PLAGL1: variants seen among roughly 807,000 people sequenced by gnomAD.
PLAGL1 encodes PLAG1 like zinc finger 1, also known as zinc finger protein PLAGL1.
A neutral mutation model predicts 4.6 loss-of-function variants in PLAGL1; 1 was observed. The observed-to-expected ratio is 0.22, with a 90% CI of 0.08 to 1.03. PLAGL1 has a LOEUF of 1.03. PLAGL1 is among the 50% of genes least tolerant of loss of function. PLAGL1 has a pLI of 0.58. For missense variants in PLAGL1, 464 were observed against 570.4 expected, an observed-to-expected ratio of 0.81 and a Z score of 1.90; for synonymous variants, 240 against 237.8, an observed-to-expected ratio of 1.01 and a Z score of -0.08.
chr6:144,017,325 C>A (rs1026629866), intron 1 of PLAGL1, among the ~76,000 whole-genome samples: 1 of 152,200 alleles, frequency 6.6e-6, no homozygotes, highest in East Asian at 1.9e-4. Context: ...AGGATTCCTG[C>A]CCCCTTCCCT....
In PLAGL1 at chr6:144,050,331, A is replaced by G. The variant is rs1358415495; in HGVS notation, c.-151+14137T>C. On this transcript the variant is annotated intron_variant, in intron 1 of 3. Transcript: ENST00000437412. The surrounding 1 kb of genome is among the most constrained non-coding windows in gnomAD (Gnocchi z 4.3). ...CGACTGCTGAACTCAACTAAGTGAA[A>G]TATGTCCATAACACAATGCTGCCAG... Among the ~76,000 whole-genome samples the G allele has an allele frequency of 6.6e-6, 1 of 152,142 alleles. No individual in the cohort carries two copies. The highest frequency in any genetic ancestry group is 2.4e-5 in the African/African-American group (1 of 41,410).
At position 143,950,215 on chromosome 6, in the gene PLAGL1, G is replaced by C. The variant is rs1215774709; in HGVS notation, c.-324-1755C>G. Among the ~76,000 whole-genome samples, 3 of 152,286 alleles carry C rather than the reference G, an allele frequency of 2.0e-5. No individual in the cohort carries two copies. In the East Asian group the frequency reaches 5.8e-4, roughly 29 times the overall value. On this transcript the variant is annotated intron_variant, in intron 6 of 7. Transcript: ENST00000674357. The surrounding 1 kb of genome is among the most constrained non-coding windows in gnomAD (Gnocchi z 6.3). ...AGCACCTTGGCACCACACCTTCTTTGTGACGGCTGTGATTCTAGCAGCACA... is the reference window on the plus strand; with the variant it reads ...AGCACCTTGGCACCACACCTTCTTTCTGACGGCTGTGATTCTAGCAGCACA...
intron 1 of PLAGL1, among the ~76,000 whole-genome samples, chr6:144,054,586 T>C (rs1248750580): frequency 6.6e-6 from 1 of 152,066 alleles, no homozygotes; most frequent in Non-Finnish European, 1.5e-5. Context: ...CAACACACAC[T>C]GTGGCCTGTC....
chr6:144,044,736 C>A (rs184296419), intron 1 of PLAGL1, among the ~76,000 whole-genome samples: 1 of 152,202 alleles, frequency 6.6e-6, no homozygotes, highest in East Asian at 1.9e-4. Context: ...CCTTGTTAAC[C>A]TTCTGTCTCA....
At chr6:144,057,643 A>G (rs1450087737) in intron 1 of PLAGL1, among the ~76,000 whole-genome samples, 2 of 152,324 alleles carry the variant, frequency 1.3e-5, no homozygotes, top group African/African-American at 4.8e-5. Context: ...TGCCACACCC[A>G]TTAGCTTCAT....
At chr6:144,017,399 T>G (rs1795639977) in intron 1 of PLAGL1, among the ~76,000 whole-genome samples, 1 of 152,180 alleles carries the variant, frequency 6.6e-6, no homozygotes, top group Admixed American at 6.5e-5. Context: ...AGGGCTCCCA[T>G]GATAACATCT....
At chr6:144,051,558 G>C (rs912383558) in intron 1 of PLAGL1, among the ~76,000 whole-genome samples, 1 of 152,174 alleles carries the variant, frequency 6.6e-6, no homozygotes, top group Non-Finnish European at 1.5e-5. Flanking sequence ...AACATTTCAT[G>C]TTGCAACCAA....
At chr6:144,047,245 G>A (rs536807663) in intron 1 of PLAGL1, among the ~76,000 whole-genome samples, 89 of 152,238 alleles carry the variant, frequency 5.8e-4, no homozygotes, top group African/African-American at 2.0e-3. Flanking sequence ...CAGGTACCTC[G>A]GTTGGAAATG....
At chr6:144,011,296 G>A (rs766456342), upstream of PLAGL1, among the ~76,000 whole-genome samples, 26 of 152,174 alleles carry the variant, frequency 1.7e-4, 1 homozygote, top group Non-Finnish European at 2.1e-4. This position sits in a 1 kb window ranked among gnomAD's most constrained non-coding sequence, Gnocchi z 4.3. Flanking sequence ...CAAAGGATAT[G>A]AACAGACACT....
At chr6:144,001,587 C>A (rs1002267670) in intron 1 of PLAGL1, among the ~76,000 whole-genome samples, 6 of 152,128 alleles carry the variant, frequency 3.9e-5, no homozygotes, top group African/African-American at 1.4e-4. Context: ...CATATGACCA[C>A]AAATTATTTG....
intron 1 of PLAGL1, among the ~76,000 whole-genome samples, chr6:143,988,336 T>A (rs1418643118): frequency 1.3e-5 from 2 of 152,232 alleles, no homozygotes; most frequent in Non-Finnish European, 1.5e-5. Flanking sequence ...TATATCTGTA[T>A]AACTTAGTTT....
chr6:143,947,003 C>G lies in PLAGL1; in HGVS notation c.152+982G>C, dbSNP rs984927318. On this transcript the variant is annotated intron_variant, in intron 7 of 7. Coordinates refer to ENST00000674357, the MANE Select transcript of PLAGL1 (RefSeq NM_001317162.2). The surrounding 1 kb of genome is among the most constrained non-coding windows in gnomAD (Gnocchi z 4.3). The stretch of plus-strand genomic sequence containing the variant: ...TAAAAAGATCCACTGGCGGCAGAAA[C>G]GATATCTAATGTATTCATTTCCCTC... 6.6e-6 allele frequency among the ~76,000 whole-genome samples: 1 copy of G among 152,160 alleles called. No individual in the cohort carries two copies. Among genetic ancestry groups the G allele is most frequent in the Non-Finnish European group, 1.5e-5 (1 of 68,034 alleles).
intron 1 of PLAGL1, among the ~76,000 whole-genome samples, chr6:144,026,430 T>A (rs1045889090): frequency 6.6e-6 from 1 of 152,206 alleles, no homozygotes; most frequent in Non-Finnish European, 1.5e-5. Context: ...CTAAGAAGTA[T>A]CATGGCATAT....
At position 144,033,571 on chromosome 6, in the gene PLAGL1, G is replaced by T. The variant is rs141843482; in HGVS notation, c.-151+30897C>A. 7.2e-5 allele frequency among the ~76,000 whole-genome samples: 11 copies of T among 152,296 alleles called. No individual in the cohort carries two copies. In the East Asian group the frequency reaches 1.9e-3, roughly 27 times the overall value. On this transcript the variant is annotated intron_variant, in intron 1 of 3. Coordinates refer to the PLAGL1 transcript ENST00000437412. ...AATGAGGAACACATTACTAGAAACTGCAGTAAGGATGATCTTTGTTATATA... is the reference window on the plus strand; with the variant it reads ...AATGAGGAACACATTACTAGAAACTTCAGTAAGGATGATCTTTGTTATATA...
At chr6:143,967,605 CA>C (rs1317340305) in intron 3 of PLAGL1, 5 of 152,098 alleles carry the variant, frequency 3.3e-5, no homozygotes, top group Non-Finnish European at 7.4e-5. Context: ...CTAGAGAAAA[CA>C]GTTACAAATG....
chr6:143,980,221 A>G (rs1448159189), intron 2 of PLAGL1, among the ~76,000 whole-genome samples: 1 of 151,904 alleles, frequency 6.6e-6, no homozygotes, highest in Non-Finnish European at 1.5e-5. Flanking sequence ...CTTGATATTT[A>G]TTTAACTTAG....
rs2284712 is a variant in PLAGL1, at chr6:143,945,760, C to G, written c.152+2225G>C. ...AAAGTGCTGGGATTACAGGCATCAT[C>G]TTTTTTTTAAAAGCAAAACCGAAAG... On this transcript the variant is annotated intron_variant, in intron 7 of 7. Transcript: ENST00000674357. This position sits in a 1 kb window ranked among gnomAD's most constrained non-coding sequence, Gnocchi z 4.2. Among the ~76,000 whole-genome samples, 107 of 152,192 alleles carry G rather than the reference C, an allele frequency of 7.0e-4. 2 individuals carry two copies. In the East Asian group the frequency reaches 0.018, roughly 26 times the overall value.
intron 1 of PLAGL1, among the ~76,000 whole-genome samples, chr6:144,047,718 A>G (rs1221591291): frequency 2.0e-5 from 3 of 152,204 alleles, no homozygotes; most frequent in African/African-American, 7.2e-5. Context: ...TGTGAGGATT[A>G]TGGAGATTAC....
rs977155004 is a variant in PLAGL1 at position 143,952,710 on chromosome 6, G to C, written c.-324-4250C>G. Among the ~76,000 whole-genome samples the C allele has an allele frequency of 6.6e-6, 1 of 152,068 alleles. No individual in the cohort carries two copies. Among genetic ancestry groups the C allele is most frequent in the Non-Finnish European group, 1.5e-5 (1 of 68,030 alleles). On this transcript the variant is annotated intron_variant, in intron 6 of 7. Transcript: ENST00000674357. This position sits in a 1 kb window ranked among gnomAD's most constrained non-coding sequence, Gnocchi z 6.1. ...TGCTACATAACACATCATCTAATGGGGCACAACTGCTTTACAACATTCTTA... is the reference window on the plus strand; with the variant it reads ...TGCTACATAACACATCATCTAATGGCGCACAACTGCTTTACAACATTCTTA...
Sources: gnomAD v4.1 joint callset for allele counts (sites outside exome capture counted in the v4.1 genomes callset) on GRCh38, gnomAD v4.1.1 for gene constraint, Gnocchi (gnomAD v3.1) non-coding constraint, MANE v1.5 for transcripts, NCBI Gene and HGNC (gene_info 2026-07-23, HGNC 2026-07-21) for gene names.